OSBP2: variants seen among roughly 807,000 people sequenced by gnomAD.
OSBP2 encodes the protein oxysterol-binding protein 2.
Under a neutral mutation model 96.0 loss-of-function variants are expected in OSBP2, and 66 were observed. The ratio of observed to expected loss-of-function variants is 0.69; its 90% CI spans 0.56 to 0.84. The LOEUF (loss-of-function observed/expected upper bound fraction) is 0.84. Ranked by LOEUF, OSBP2 falls within the 40% of genes least tolerant of loss-of-function variation. The pLI, the probability that OSBP2 is intolerant of heterozygous loss-of-function variation, is 0.00. For synonymous variants in OSBP2, 525 were observed against 520.9 expected, an observed-to-expected ratio of 1.01 and a Z score of -0.11; for missense variants, 1,038 against 1,222.7, an observed-to-expected ratio of 0.85 and a Z score of 2.25.
rs1230292797 is a variant in OSBP2, at chr22:30,905,992, TGGA to T, written c.2536_2538del (p.Glu846del). 2.5e-6 allele frequency: 4 copies of T among 1,599,346 alleles called. No homozygotes were observed. Among genetic ancestry groups the T allele is most frequent in the Admixed American group, 3.5e-5 (2 of 57,632 alleles). Reference sequence around the variant, plus strand: ...GAGGCCAATACCGAGAAGCAGCGGCTGGAGGAGAAGCAGCGCCTGTCGCGGCGC... The same window carrying T: ...GAGGCCAATACCGAGAAGCAGCGGCTGGAGAAGCAGCGCCTGTCGCGGCGC... On this transcript the variant is annotated inframe_deletion, in exon 13 of 14. Coordinates refer to ENST00000332585, the MANE Select transcript of OSBP2 (RefSeq NM_030758.4).
chr22:30,800,615 T>G (rs941018970), intron 2 of OSBP2, among the ~76,000 whole-genome samples: 2 of 152,156 alleles, frequency 1.3e-5, no homozygotes, highest in Non-Finnish European at 2.9e-5. Flanking sequence ...CCTGCCAGAA[T>G]GAGCATGTGT....
chr22:30,840,746 A>T (rs2038736144), intron 2 of OSBP2, among the ~76,000 whole-genome samples: 1 of 152,118 alleles, frequency 6.6e-6, no homozygotes, highest in Admixed American at 6.5e-5. Flanking sequence ...GGGTGGGAGG[A>T]CTTAATGAGA....
chr22:30,796,522 T>C (rs1261077205), intron 2 of OSBP2, among the ~76,000 whole-genome samples: 9 of 152,174 alleles, frequency 5.9e-5, no homozygotes, highest in Non-Finnish European at 1.2e-4. Context: ...ATTTATTTAT[T>C]TGAAACAGGT....
rs8142043 is a variant in OSBP2, at chr22:30,707,288, G to C, written c.644+11735G>C. On this transcript the variant is annotated intron_variant, in intron 1 of 13. Transcript: ENST00000332585. Reference sequence around the variant, plus strand: ...ATTTTTGTATTTTTAGTAGAGACAAGGTTTCACCATATTGGCCAGGATGGT... The same window carrying C: ...ATTTTTGTATTTTTAGTAGAGACAACGTTTCACCATATTGGCCAGGATGGT... 8.3e-3 allele frequency among the ~76,000 whole-genome samples: 1,267 copies of C among 152,164 alleles called. 22 individuals are homozygous for C. The highest frequency in any genetic ancestry group is 0.027 in the African/African-American group (1,121 of 41,532).
At chr22:30,855,954 C>T (rs1044914557) in intron 2 of OSBP2, among the ~76,000 whole-genome samples, 1 of 152,220 alleles carries the variant, frequency 6.6e-6, no homozygotes, top group Non-Finnish European at 1.5e-5. Flanking sequence ...AGGTTTCTTC[C>T]TCATCCCTGC....
intron 1 of OSBP2, among the ~76,000 whole-genome samples, chr22:30,711,867 G>A (rs916478894): frequency 1.3e-5 from 2 of 152,060 alleles, no homozygotes; most frequent in Non-Finnish European, 2.9e-5. Context: ...GCTGGGGTGG[G>A]TTGGTAATCA....
chr22:30,867,352 G>A (rs950145295), intron 2 of OSBP2, among the ~76,000 whole-genome samples: 1 of 152,112 alleles, frequency 6.6e-6, no homozygotes, highest in African/African-American at 2.4e-5. Flanking sequence ...CTACTCCTCT[G>A]TGTCTCACCC....
intron 1 of OSBP2, among the ~76,000 whole-genome samples, chr22:30,740,849 C>T (rs1211773568): frequency 6.6e-6 from 1 of 152,152 alleles, no homozygotes; most frequent in Non-Finnish European, 1.5e-5. Flanking sequence ...TCTTGAGAGA[C>T]CTGGGCAGTC....
intron 2 of OSBP2, among the ~76,000 whole-genome samples, chr22:30,805,826 G>C (rs1220040606): frequency 6.6e-6 from 1 of 152,200 alleles, no homozygotes; most frequent in East Asian, 1.9e-4. Flanking sequence ...AAGGACAAAG[G>C]AAATGTTCCC....
At chr22:30,694,843 C>A, upstream of OSBP2, 1 of 693,882 alleles carries the variant, frequency 1.4e-6, no homozygotes, top group Non-Finnish European at 1.9e-6. Context: ...ACTGCGCCCC[C>A]GGCCCCGCCC....
At chr22:30,905,226 A>G (rs751018943) in intron 12 of OSBP2, among the ~76,000 whole-genome samples, 20 of 133,838 alleles carry the variant, frequency 1.5e-4, no homozygotes, top group Non-Finnish European at 2.2e-4. Flanking sequence ...GCTCACCACA[A>G]CCTCGGCCTC....
intron 2 of OSBP2, among the ~76,000 whole-genome samples, chr22:30,818,768 T>C (rs2091111735): frequency 1.3e-5 from 2 of 152,126 alleles, no homozygotes; most frequent in Admixed American, 1.3e-4. Context: ...GCCCAGCTTC[T>C]AGGGAGGCTG....
chr22:30,785,198 T>C (rs1443938010), intron 2 of OSBP2, among the ~76,000 whole-genome samples: 1 of 152,236 alleles, frequency 6.6e-6, no homozygotes, highest in Non-Finnish European at 1.5e-5. Flanking sequence ...ATTTTAATTG[T>C]AGATTTAAAC....
At chr22:30,697,273 GTC>G (rs1387254913) in intron 1 of OSBP2, among the ~76,000 whole-genome samples, 1 of 152,106 alleles carries the variant, frequency 6.6e-6, no homozygotes, top group Non-Finnish European at 1.5e-5. Flanking sequence ...GAGCAAAGAT[GTC>G]CATCTTCTTT....
chr22:30,721,254 A>C (rs2089545189), intron 1 of OSBP2, among the ~76,000 whole-genome samples: 1 of 152,096 alleles, frequency 6.6e-6, no homozygotes, highest in Non-Finnish European at 1.5e-5. Context: ...AAAACAAAAC[A>C]AAAAAACAAC....
intron 3 of OSBP2, among the ~76,000 whole-genome samples, chr22:30,879,786 T>C (rs980234794): frequency 1.3e-5 from 2 of 152,224 alleles, no homozygotes; most frequent in African/African-American, 4.8e-5. Context: ...GCATGGTGGC[T>C]CATGCCTGTA....
chr22:30,857,914 C>T (rs1286031752), intron 2 of OSBP2, among the ~76,000 whole-genome samples: 2 of 152,190 alleles, frequency 1.3e-5, no homozygotes, highest in South Asian at 2.1e-4. Flanking sequence ...CTGCAGAACT[C>T]GGCCAACCCA....
intron 2 of OSBP2, among the ~76,000 whole-genome samples, chr22:30,836,210 T>G (rs2038629334): frequency 6.6e-6 from 1 of 152,190 alleles, no homozygotes; most frequent in Non-Finnish European, 1.5e-5. Context: ...CACAGTACCT[T>G]AAGTACTTTA....
At chr22:30,880,635 C>T (rs2039684368) in intron 3 of OSBP2, among the ~76,000 whole-genome samples, 1 of 152,198 alleles carries the variant, frequency 6.6e-6, no homozygotes, top group East Asian at 1.9e-4. Flanking sequence ...CTCCCAAGAG[C>T]CTGAGAGGCT....
Sources: allele counts gnomAD v4.1 joint callset (sites outside exome capture counted in the v4.1 genomes callset), GRCh38; gene constraint gnomAD v4.1.1; transcripts MANE v1.5; gene names NCBI Gene and HGNC (gene_info 2026-07-23, HGNC 2026-07-21).